Variants in MCTP1 observed in about 807,000 individuals in gnomAD.
MCTP1 encodes the protein multiple C2 and transmembrane domain containing 1, also known as multiple C2 and transmembrane domain-containing protein 1.
In MCTP1, 69 loss-of-function variants were observed where a neutral mutation model predicts 120.6. The observed-to-expected ratio is 0.57, with a 90% CI of 0.47 to 0.70. The LOEUF is 0.70. MCTP1 is among the 30% of genes least tolerant of loss of function. The probability of loss-of-function intolerance (pLI) is 0.00; values close to 1 mark genes in which losing one functional copy is unlikely to be tolerated. For synonymous variants in MCTP1, 529 were observed against 493.1 expected, an observed-to-expected ratio of 1.07 and a Z score of -0.96; for missense variants, 1,203 against 1,248.8, an observed-to-expected ratio of 0.96 and a Z score of 0.55.
intron 1 of MCTP1, among the ~76,000 whole-genome samples, chr5:95,178,604 G>A (rs781015315): frequency 1.5e-4 from 23 of 152,192 alleles, no homozygotes; most frequent in Non-Finnish European, 3.1e-4. Context: ...CTCTCAGGAA[G>A]CCCCATCCCT....
Position 95,284,291 on chromosome 5 carries a change from C to A in MCTP1, c.285G>T (p.Ser95=), listed in dbSNP as rs201358642. 3.1e-6 allele frequency: 5 copies of A among 1,596,692 alleles called. No individual in the cohort carries two copies. Among genetic ancestry groups the A allele is most frequent in the Non-Finnish European group, 4.2e-6 (5 of 1,178,786 alleles). ...GCGACGAGCAGCACAGGTTGGGCTG[C>A]GAGGAGGAGAAGACTCGGTCCAGCA... ...KQVLDRVFSS[S]QPNLCCSSPE... The change falls in exon 1 of 23, where the codon TCG becomes TCT. Residue 95 remains serine, a synonymous_variant. Transcript: ENST00000515393. The surrounding 1 kb of genome is among the most constrained non-coding windows in gnomAD (Gnocchi z 5.2).
At chr5:95,257,256 T>C (rs1272608683) in intron 1 of MCTP1, among the ~76,000 whole-genome samples, 1 of 152,188 alleles carries the variant, frequency 6.6e-6, no homozygotes, top group Non-Finnish European at 1.5e-5. Flanking sequence ...TGATGAGAGC[T>C]TGTGGGATAC....
chr5:95,137,618 C>A (rs1759543845), intron 1 of MCTP1, among the ~76,000 whole-genome samples: 2 of 152,210 alleles, frequency 1.3e-5, no homozygotes, highest in Non-Finnish European at 2.9e-5. Context: ...AATTTCACCT[C>A]AACTGTGGCA....
chr5:95,065,746 CAGT>C (rs1750491248), intron 1 of MCTP1, among the ~76,000 whole-genome samples: 1 of 152,076 alleles, frequency 6.6e-6, no homozygotes, highest in African/African-American at 2.4e-5. Context: ...GTTTTAACCA[CAGT>C]ATGGATAAAA....
At chr5:95,011,291 A>G (rs1835884062) in intron 2 of MCTP1, among the ~76,000 whole-genome samples, 2 of 152,040 alleles carry the variant, frequency 1.3e-5, no homozygotes, top group African/African-American at 4.8e-5. Context: ...TTTCTATTTC[A>G]ATTCTCCCTT....
intron 12 of MCTP1, among the ~76,000 whole-genome samples, chr5:94,875,458 T>C (rs1404412818): frequency 6.6e-6 from 1 of 151,886 alleles, no homozygotes; most frequent in African/African-American, 2.4e-5. Flanking sequence ...CTGAAAAAAC[T>C]TGGCTTTAAC....
At chr5:94,962,902 A>C (rs189972490) in intron 2 of MCTP1, among the ~76,000 whole-genome samples, 1 of 152,184 alleles carries the variant, frequency 6.6e-6, no homozygotes, top group African/African-American at 2.4e-5. Context: ...AAATCTTTAA[A>C]CTTGAAAAAA....
intron 19 of MCTP1, among the ~76,000 whole-genome samples, chr5:94,726,791 T>C (rs1187317344): frequency 6.6e-6 from 1 of 152,178 alleles, no homozygotes; most frequent in Non-Finnish European, 1.5e-5. Flanking sequence ...CCATGTCTCA[T>C]GGTTGAAATT....
chr5:95,054,617 C>A (rs1004685960), intron 1 of MCTP1, among the ~76,000 whole-genome samples: 1 of 152,146 alleles, frequency 6.6e-6, no homozygotes. Context: ...GAGCAGAGGT[C>A]CCCCCTACAA....
At chr5:95,189,183 CA>C (rs1291802169) in intron 1 of MCTP1, among the ~76,000 whole-genome samples, 1 of 151,906 alleles carries the variant, frequency 6.6e-6, no homozygotes, top group African/African-American at 2.4e-5. Context: ...GTTAATTTCC[CA>C]GACAATACTG....
At position 95,138,234 on chromosome 5, in the gene MCTP1, C is replaced by CCCA. The variant is rs1759601916; in HGVS notation, c.721-120751_721-120750insTGG. On this transcript the variant is annotated intron_variant, in intron 1 of 22. Coordinates refer to ENST00000515393, the MANE Select transcript of MCTP1 (RefSeq NM_024717.7). ...TCATAGACTTTCCTGTGAGATGCAA[C>CCCA]CCCCCCCCGACATTAAAATAATATG... Among the ~76,000 whole-genome samples the CCCA allele has an allele frequency of 3.7e-5, 4 of 107,376 alleles. No individual in the cohort carries two copies. In the South Asian group the frequency reaches 1.3e-3, roughly 35 times the overall value. The allele number at this position is 107,376 out of a possible 152,430, so 70.4% of individuals were successfully genotyped here.
intron 1 of MCTP1, among the ~76,000 whole-genome samples, chr5:95,051,998 A>G (rs1233584865): frequency 6.6e-6 from 1 of 152,184 alleles, no homozygotes; most frequent in Non-Finnish European, 1.5e-5. Flanking sequence ...CAATTCATCT[A>G]TATGATAAAC....
At chr5:94,870,300 G>A (rs1581122542) in intron 16 of MCTP1, 117 bp downstream of exon 16, 2 of 613,244 alleles carry the variant, frequency 3.3e-6, no homozygotes, top group East Asian at 2.8e-5. Context: ...ATAAGTAGAT[G>A]ATCAAAAATT....
chr5:94,787,066 C>T (rs1158246202), intron 18 of MCTP1, among the ~76,000 whole-genome samples: 1 of 152,242 alleles, frequency 6.6e-6, no homozygotes, highest in East Asian at 1.9e-4. Flanking sequence ...ACATCCTGAG[C>T]GAGATGTTAG....
chr5:94,745,546 G>A (rs1766694457), intron 19 of MCTP1, among the ~76,000 whole-genome samples: 1 of 152,196 alleles, frequency 6.6e-6, no homozygotes, highest in African/African-American at 2.4e-5. Context: ...AGGTGGAGAG[G>A]AAAGAGTCAT....
chr5:94,773,769 T>C (rs1252738802), intron 19 of MCTP1, among the ~76,000 whole-genome samples: 1 of 152,100 alleles, frequency 6.6e-6, no homozygotes, highest in East Asian at 1.9e-4. Context: ...TCAGATCTCA[T>C]GAGACTTATT....
intron 1 of MCTP1, among the ~76,000 whole-genome samples, chr5:95,227,955 G>T (rs898223466): frequency 6.6e-6 from 1 of 152,092 alleles, no homozygotes; most frequent in East Asian, 1.9e-4. Context: ...GAGCTCAGAA[G>T]TCAGGATCAT....
chr5:94,984,904 A>G (rs1830183001), intron 2 of MCTP1, among the ~76,000 whole-genome samples: 1 of 152,158 alleles, frequency 6.6e-6, no homozygotes, highest in African/African-American at 2.4e-5. Flanking sequence ...TTGCTAATAA[A>G]CTTTATAGAA....
chr5:94,794,084 C>T (rs959668405), intron 18 of MCTP1, among the ~76,000 whole-genome samples: 5 of 152,330 alleles, frequency 3.3e-5, no homozygotes, highest in Admixed American at 6.5e-5. Flanking sequence ...ATTTGTGTCA[C>T]AGTCATATCA....
Sources: gnomAD v4.1 joint callset for allele counts (sites outside exome capture counted in the v4.1 genomes callset) on GRCh38, gnomAD v4.1.1 for gene constraint, Gnocchi (gnomAD v3.1) non-coding constraint, MANE v1.5 for transcripts, NCBI Gene and HGNC (gene_info 2026-07-23, HGNC 2026-07-21) for gene names.